DNAH8: variants seen among roughly 807,000 people sequenced by gnomAD.
DNAH8 encodes the protein axonemal beta dynein heavy chain 8.
Under a neutral mutation model 562.1 loss-of-function variants are expected in DNAH8, and 382 were observed. The observed-to-expected ratio is 0.68, with a 90% CI of 0.63 to 0.74. DNAH8 has a LOEUF of 0.74. Ranked by LOEUF, DNAH8 falls within the 30% of genes least tolerant of loss-of-function variation. DNAH8 has a pLI of 0.00. For missense variants in DNAH8, 5,203 were observed against 5,620.4 expected, an observed-to-expected ratio of 0.93 and a Z score of 2.37; for synonymous variants, 1,881 against 1,919.4, an observed-to-expected ratio of 0.98 and a Z score of 0.52.
chr6:38,873,537 T>C (rs1777636672), intron 52 of DNAH8, among the ~76,000 whole-genome samples, 161 bp downstream of exon 52: 1 of 152,166 alleles, frequency 6.6e-6, no homozygotes, highest in South Asian at 2.1e-4. Flanking sequence ...TTAAAGATCT[T>C]CTTAATGATC....
At chr6:38,734,393 C>A (rs74904743) in intron 4 of DNAH8, 81 bp from the exon 5 acceptor site, 12 of 1,440,520 alleles carry the variant, frequency 8.3e-6, no homozygotes, top group East Asian at 7.2e-5. Flanking sequence ...AAACAGGAAA[C>A]AATAGTGTAA....
chr6:38,894,696 T>G lies in DNAH8; in HGVS notation c.8584-5T>G. 2 of 1,611,726 alleles carry G rather than the reference T, an allele frequency of 1.2e-6. No homozygotes were observed. Among genetic ancestry groups the G allele is most frequent in the Non-Finnish European group, 1.7e-6 (2 of 1,178,130 alleles). On this transcript the variant is annotated splice_region_variant and splice_polypyrimidine_tract_variant and intron_variant, in intron 58 of 92. Transcript: ENST00000327475. The stretch of plus-strand genomic sequence containing the variant: ...ACTGAGAGTATTACATTTTTTCATC[T>G]CTAGGTGAAGATGCTGCCAACTCCT...
chr6:38,925,545 T>C (rs1194894259), intron 73 of DNAH8, among the ~76,000 whole-genome samples: 2 of 151,918 alleles, frequency 1.3e-5, no homozygotes, highest in African/African-American at 2.4e-5. Context: ...CCCTCTAAAT[T>C]TGGAGAAGGA....
At position 38,783,031 on chromosome 6, in the gene DNAH8, GACGGTAA is replaced by G. The variant is rs1278944413; in HGVS notation, c.2289_2295del (p.Asp763GlufsTer68). Reference sequence around the variant, plus strand: ...AAACTCAGACATTTTATCAAGTCCGGACGGTAAAGCTGTCATCCGTCAGTATAACAAG... The same window carrying G: ...AAACTCAGACATTTTATCAAGTCCGGAGCTGTCATCCGTCAGTATAACAAG... On this transcript the variant is annotated frameshift_variant, in exon 17 of 93. Transcript: ENST00000327475. LOFTEE classifies it high-confidence loss of function. 6.2e-7 allele frequency: 1 copy of G among 1,613,934 alleles called. No individual in the cohort carries two copies. The highest frequency in any genetic ancestry group is 8.5e-7 in the Non-Finnish European group (1 of 1,179,920).
At chr6:39,024,874 A>G (rs889847461) in intron 91 of DNAH8, among the ~76,000 whole-genome samples, 1 of 152,236 alleles carries the variant, frequency 6.6e-6, no homozygotes, top group Admixed American at 6.5e-5. Flanking sequence ...AATCTTCTAT[A>G]AAAGTCCTTC....
At chr6:39,016,227 C>G (rs1420507237) in intron 91 of DNAH8, among the ~76,000 whole-genome samples, 1 of 151,510 alleles carries the variant, frequency 6.6e-6, no homozygotes, top group Non-Finnish European at 1.5e-5. Context: ...TTCTTTGGTT[C>G]AAAACATTTA....
At position 38,917,811 on chromosome 6, in the gene DNAH8, A is replaced by G; in HGVS notation, c.10309-114A>G. The stretch of plus-strand genomic sequence containing the variant: ...TACTGCCAATAGTCTCAATTTGTGT[A>G]TTTAGAGCAAATCATCTATTACTTC... On this transcript the variant is annotated intron_variant, in intron 69 of 92. Coordinates refer to ENST00000327475, the MANE Select transcript of DNAH8 (RefSeq NM_001206927.2). 4 of 778,972 alleles carry G rather than the reference A, an allele frequency of 5.1e-6. No homozygotes were observed. In the South Asian group the frequency reaches 8.3e-5, roughly 16 times the overall value. The allele number at this position is 778,972 out of a possible 1,614,324, so 48.3% of individuals were successfully genotyped here. A position where few individuals can be genotyped will look rare whatever the true frequency, so the allele number is the denominator to read the frequency against.
At chr6:39,003,373 G>A (rs1765605506) in intron 88 of DNAH8, among the ~76,000 whole-genome samples, 1 of 152,168 alleles carries the variant, frequency 6.6e-6, no homozygotes, top group Admixed American at 6.5e-5. Context: ...CAACTGTGAT[G>A]GGCTTTGCCT....
rs968541833 is a variant in DNAH8, at chr6:38,835,447, A to G, written c.4365+806A>G. Reference sequence around the variant, plus strand: ...ATAGCAAGCTAGAGAGAAAACTGCAAGTGCGATGAGAGCTGTGACCTAGGT... The same window carrying G: ...ATAGCAAGCTAGAGAGAAAACTGCAGGTGCGATGAGAGCTGTGACCTAGGT... On this transcript the variant is annotated intron_variant, in intron 32 of 92. Transcript: ENST00000327475. Among the ~76,000 whole-genome samples, 3 of 152,222 alleles carry G rather than the reference A, an allele frequency of 2.0e-5. No individual in the cohort carries two copies. The South Asian group carries it at 6.2e-4, about 32-fold the overall frequency.
intron 16 of DNAH8, 111 bp from the exon 17 acceptor site, chr6:38,782,893 A>G (rs1226056983): frequency 2.9e-6 from 3 of 1,021,946 alleles, no homozygotes; most frequent in Middle Eastern, 3.2e-4. Context: ...GGCAGAATCT[A>G]AACTGGTAGC....
chr6:38,937,648 A>G (rs1017478428), intron 77 of DNAH8, among the ~76,000 whole-genome samples: 2 of 152,160 alleles, frequency 1.3e-5, no homozygotes, highest in African/African-American at 4.8e-5. Context: ...AGCCTATCAC[A>G]TGGGGAACAG....
At chr6:38,887,568 A>G (rs1779028258) in intron 57 of DNAH8, among the ~76,000 whole-genome samples, 2 of 152,144 alleles carry the variant, frequency 1.3e-5, no homozygotes, top group Non-Finnish European at 2.9e-5. Context: ...TTAGCTGGGC[A>G]TGGTGGCACA....
intron 91 of DNAH8, among the ~76,000 whole-genome samples, chr6:39,024,404 A>G (rs193224166): frequency 2.1e-4 from 32 of 152,348 alleles, no homozygotes; most frequent in African/African-American, 7.7e-4. Context: ...TGAATGTTGA[A>G]TGGTGAAAAT....
chr6:38,783,133 C>G lies in DNAH8; in HGVS notation c.2389C>G (p.His797Asp). Residue 797 changes from histidine (H) to aspartate (D), a missense_variant, in exon 17 of 93, where the codon CAT (histidine) becomes GAT (aspartate). By Grantham distance (81) the His-to-Asp change is moderately conservative. This residue lies in a region of DNAH8 where 2,176 missense variants were observed against 2,365.1 expected (regional missense o/e 0.92). Transcript: ENST00000327475. ...CTGGATCAGAGAGATTTCACAGTTG[C>G]ATTACGGTGTGTATAACACTGCCAT... ...TAWIREISQLHYALQATLFVR... is the reference protein window; with the variant it reads ...TAWIREISQLDYALQATLFVR... 6.2e-7 allele frequency: 1 copy of G among 1,613,846 alleles called. No homozygotes were observed. Among genetic ancestry groups the G allele is most frequent in the Non-Finnish European group, 8.5e-7 (1 of 1,179,844 alleles).
chr6:38,925,710 C>T (rs144765399), intron 73 of DNAH8, among the ~76,000 whole-genome samples: 1,957 of 152,244 alleles, frequency 0.013, 35 homozygotes, highest in Middle Eastern at 0.037. Flanking sequence ...TTACCTTGTT[C>T]TCTGACATTT....
chr6:38,918,354 A>G (rs1376528021), intron 70 of DNAH8, among the ~76,000 whole-genome samples: 1 of 152,212 alleles, frequency 6.6e-6, no homozygotes, highest in African/African-American at 2.4e-5. Context: ...ACTGAAACCA[A>G]CATGTTAACT....
intron 81 of DNAH8, among the ~76,000 whole-genome samples, chr6:38,950,974 T>A (rs889081848): frequency 2.6e-5 from 4 of 152,168 alleles, no homozygotes; most frequent in African/African-American, 9.7e-5. Context: ...GCTGACCCAC[T>A]TACTTTGGGC....
intron 21 of DNAH8, among the ~76,000 whole-genome samples, chr6:38,798,164 T>A (rs1035750396): frequency 6.6e-6 from 1 of 152,104 alleles, no homozygotes; most frequent in Non-Finnish European, 1.5e-5. Context: ...GGGTGACTGC[T>A]AATGGGTATA....
At chr6:38,997,061 G>T (rs1466968764) in intron 88 of DNAH8, among the ~76,000 whole-genome samples, 5 of 152,080 alleles carry the variant, frequency 3.3e-5, no homozygotes, top group Non-Finnish European at 7.4e-5. Context: ...TTCCCATATG[G>T]TCTGCCTTGG....
Sources: gnomAD v4.1 joint callset for allele counts (sites outside exome capture counted in the v4.1 genomes callset) on GRCh38, gnomAD v4.1.1 for gene constraint, gnomAD v4.1.1 regional missense constraint, MANE v1.5 for transcripts, NCBI Gene and HGNC (gene_info 2026-07-23, HGNC 2026-07-21) for gene names.